The following UBA5 variants were observed in gnomAD, a reference collection of about 807,000 sequenced individuals.
UBA5 encodes the protein ubiquitin-like modifier-activating enzyme 5.
In UBA5, 28 loss-of-function variants were observed where a neutral mutation model predicts 52.9. That is an observed-to-expected ratio of 0.53 (90% CI 0.39 to 0.73). UBA5 has a LOEUF of 0.73. Among genes scored for constraint, UBA5 ranks in the 30% least tolerant of loss-of-function variants. The pLI is 0.00. For synonymous variants in UBA5, 135 were observed against 162.1 expected, an observed-to-expected ratio of 0.83 and a Z score of 1.27; for missense variants, 388 against 492.7, an observed-to-expected ratio of 0.79 and a Z score of 2.01.
chr3:132,659,551 A>G, upstream of UBA5: 2 of 1,605,658 alleles, frequency 1.2e-6, no homozygotes, highest in Non-Finnish European at 8.5e-7. Flanking sequence ...AAAGGAAGGA[A>G]AACTCAATGT....
upstream of UBA5, among the ~76,000 whole-genome samples, chr3:132,659,068 G>A (rs1013215174): frequency 6.6e-6 from 1 of 152,050 alleles, no homozygotes; most frequent in Non-Finnish European, 1.5e-5. Context: ...TTCCCGGTGG[G>A]GAACGCTACT....
At chr3:132,668,986 A>G (rs1938490081) in intron 4 of UBA5, 59 bp downstream of exon 4, 3 of 1,103,936 alleles carry the variant, frequency 2.7e-6, no homozygotes, top group East Asian at 4.9e-5. Flanking sequence ...TGTATTTGAT[A>G]TGAGTTAATA....
Position 132,676,390 on chromosome 3 carries a change from T to A in UBA5, c.1132-53T>A. ...CTTGCTGATTATATATTCCTAAGCA[T>A]CAAGAATTCTATATGGTTCTTTTTT... is the stretch of plus-strand genomic sequence containing the variant. On this transcript the variant is annotated intron_variant, in intron 11 of 11. Coordinates refer to ENST00000356232, the MANE Select transcript of UBA5 (RefSeq NM_024818.6). This position sits in a 1 kb window ranked among gnomAD's most constrained non-coding sequence, Gnocchi z 4.1. 1.4e-6 allele frequency: 2 copies of A among 1,408,076 alleles called. No individual in the cohort carries two copies. The highest frequency in any genetic ancestry group is 1.2e-5 in the South Asian group (1 of 81,592). The allele number at this position is 1,408,076 out of a possible 1,614,324, so 87.2% of individuals were successfully genotyped here. A position where few individuals can be genotyped will look rare whatever the true frequency, so the allele number is the denominator to read the frequency against.
chr3:132,675,590 G>A lies in UBA5; in HGVS notation c.949-15G>A, dbSNP rs747931779. 7.5e-6 allele frequency: 12 copies of A among 1,605,888 alleles called. No individual in the cohort carries two copies. In the South Asian group the frequency reaches 1.1e-4, roughly 15 times the overall value. On this transcript the variant is annotated splice_polypyrimidine_tract_variant and intron_variant, in intron 9 of 11. Transcript: ENST00000356232. ...GAATGAGTAAGAACACTTTGATGCTGTTTGATTTCTACAGAAAAAGGTAGC... is the reference window on the plus strand; with the variant it reads ...GAATGAGTAAGAACACTTTGATGCTATTTGATTTCTACAGAAAAAGGTAGC...
In UBA5 at chr3:132,678,957, T is replaced by G. The variant is rs1175394416; in HGVS notation, c.*2431T>G. Among the ~76,000 whole-genome samples, 2 of 151,898 alleles carry G rather than the reference T, an allele frequency of 1.3e-5. No homozygotes were observed. Among genetic ancestry groups the G allele is most frequent in the Non-Finnish European group, 2.9e-5 (2 of 67,982 alleles). ...GAGCCACCACGCCCAGCCAAGAATATTTACTAAAGGAAGCTTTGACCCCTG... is the reference window on the plus strand; with the variant it reads ...GAGCCACCACGCCCAGCCAAGAATAGTTACTAAAGGAAGCTTTGACCCCTG... On this transcript the variant is annotated 3_prime_UTR_variant, in exon 12 of 12. Transcript: ENST00000356232.
chr3:132,660,421 A>G lies in UBA5; in HGVS notation c.-117A>G, dbSNP rs1938086039. ...GTGCACGTCCCCAGGGCTCTGGGCTAGGAAGGCAGCGGCGAGGTGCCTCCC... is the reference window on the plus strand; with the variant it reads ...GTGCACGTCCCCAGGGCTCTGGGCTGGGAAGGCAGCGGCGAGGTGCCTCCC... On this transcript the variant is annotated 5_prime_UTR_variant, in exon 1 of 12. Transcript: ENST00000356232. This position sits in a 1 kb window ranked among gnomAD's most constrained non-coding sequence, Gnocchi z 4.1. 7.4e-7 allele frequency: 1 copy of G among 1,342,578 alleles called. No individual in the cohort carries two copies. Among genetic ancestry groups the G allele is most frequent in the Non-Finnish European group, 1.0e-6 (1 of 986,618 alleles). The allele number at this position is 1,342,578 out of a possible 1,614,324, so 83.2% of individuals were successfully genotyped here.
At chr3:132,664,602 G>C (rs1294828493) in intron 1 of UBA5, among the ~76,000 whole-genome samples, 4 of 152,042 alleles carry the variant, frequency 2.6e-5, no homozygotes, top group African/African-American at 9.7e-5. Flanking sequence ...TGATTCAGTG[G>C]GTGATTATAG....
chr3:132,661,485 C>T (rs1174062102), intron 1 of UBA5, among the ~76,000 whole-genome samples: 1 of 152,162 alleles, frequency 6.6e-6, no homozygotes, highest in Non-Finnish European at 1.5e-5. Flanking sequence ...GATTTTATTG[C>T]TAGGTGCATT....
At position 132,660,675 on chromosome 3, in the gene UBA5, G is replaced by A; in HGVS notation, c.138G>A (p.Glu46=). 6.4e-7 allele frequency: 1 copy of A among 1,574,790 alleles called. No individual in the cohort carries two copies. The highest frequency in any genetic ancestry group is 1.3e-5 in the African/African-American group (1 of 74,120). ...TCCGCATCGAGAAGATGAGCTCAGA[G>A]GTGGTGGATTCGAATCCCTACAGGT... is the stretch of plus-strand genomic sequence containing the variant. ...GRVRIEKMSS[E]VVDSNPYSRL... is the part of the protein sequence containing the mutation. The change falls in exon 1 of 12, where the codon GAG becomes GAA. Residue 46 remains glutamate, a synonymous_variant. Coordinates refer to ENST00000356232, the MANE Select transcript of UBA5 (RefSeq NM_024818.6). This position sits in a 1 kb window ranked among gnomAD's most constrained non-coding sequence, Gnocchi z 4.1.
chr3:132,665,933 C>A, intron 2 of UBA5, 51 bp from the exon 3 acceptor site: 1 of 1,609,902 alleles, frequency 6.2e-7, no homozygotes, highest in Non-Finnish European at 8.5e-7. Flanking sequence ...CTTCTGGTGA[C>A]ATATTTGATG....
intron 5 of UBA5, 110 bp downstream of exon 5, chr3:132,670,394 TC>T (rs1369696340): frequency 2.2e-5 from 12 of 536,528 alleles, no homozygotes; most frequent in Non-Finnish European, 3.2e-5. Context: ...TATATATTTT[TC>T]CATTTTTTTA....
Position 132,660,454 on chromosome 3 carries a change from C to T in UBA5, c.-84C>T. On this transcript the variant is annotated 5_prime_UTR_variant, in exon 1 of 12. Transcript: ENST00000356232. The surrounding 1 kb of genome is among the most constrained non-coding windows in gnomAD (Gnocchi z 4.1). ...AGCGGCGAGGTGCCTCCCCACGTAC[C>T]CCTCGCGGGCCCAGCCGAGCAACGT... 2.0e-6 allele frequency: 3 copies of T among 1,509,340 alleles called. No individual in the cohort carries two copies. Among genetic ancestry groups the T allele is most frequent in the Non-Finnish European group, 1.8e-6 (2 of 1,125,300 alleles). The allele number at this position is 1,509,340 out of a possible 1,614,324, so 93.5% of individuals were successfully genotyped here. A position where few individuals can be genotyped will look rare whatever the true frequency, so the allele number is the denominator to read the frequency against.
intron 8 of UBA5, among the ~76,000 whole-genome samples, chr3:132,673,443 G>T (rs952309687): frequency 6.6e-6 from 1 of 152,162 alleles, no homozygotes; most frequent in South Asian, 2.1e-4. Context: ...AACCTCCTGA[G>T]CTCAAGTGAT....
intron 1 of UBA5, among the ~76,000 whole-genome samples, chr3:132,662,476 A>G (rs1341195786): frequency 6.6e-6 from 1 of 152,232 alleles, no homozygotes; most frequent in Non-Finnish European, 1.5e-5. Flanking sequence ...ATTGCAGTAC[A>G]GGTGATAAGA....
rs996173725 is a variant in UBA5 at position 132,675,146 on chromosome 3, A to C, written c.813-102A>C. ...GATTTCTGTTTTCTGGTTAAAAAAAATATATAATTACCTATTTCAACGTTA... is the reference window on the plus strand; with the variant it reads ...GATTTCTGTTTTCTGGTTAAAAAAACTATATAATTACCTATTTCAACGTTA... On this transcript the variant is annotated intron_variant, in intron 8 of 11. Transcript: ENST00000356232. 1.4e-5 allele frequency: 12 copies of C among 847,268 alleles called. No individual in the cohort carries two copies. The Admixed American group carries it at 1.5e-4, about 10-fold the overall frequency. 52.5% of individuals were successfully genotyped at this position (847,268 alleles called of 1,614,324 possible).
intron 5 of UBA5, 147 bp from the exon 6 acceptor site, chr3:132,670,817 AT>A (rs1295395199): frequency 2.3e-5 from 11 of 484,076 alleles, no homozygotes; most frequent in Non-Finnish European, 3.7e-5. Flanking sequence ...CTTGATATAT[AT>A]GATATCTTTA....
chr3:132,667,341 A>G (rs545837929), intron 3 of UBA5: 2 of 152,302 alleles, frequency 1.3e-5, no homozygotes, highest in Admixed American at 1.3e-4. Context: ...AACAGTAGTT[A>G]TATATTGCTG....
upstream of UBA5, among the ~76,000 whole-genome samples, chr3:132,656,871 T>C (rs1004577955): frequency 7.2e-5 from 11 of 151,970 alleles, no homozygotes; most frequent in African/African-American, 2.7e-4. Context: ...TTAATTTGCA[T>C]TTCCCTTATT....
intron 3 of UBA5, chr3:132,667,312 T>G (rs1279908202): frequency 6.6e-6 from 1 of 152,206 alleles, no homozygotes; most frequent in Non-Finnish European, 1.5e-5. Context: ...CCACGCCATT[T>G]TGAGTAGCAA....
Sources: allele counts gnomAD v4.1 joint callset (sites outside exome capture counted in the v4.1 genomes callset), GRCh38; gene constraint gnomAD v4.1.1; non-coding constraint Gnocchi (gnomAD v3.1); transcripts MANE v1.5; gene names NCBI Gene and HGNC (gene_info 2026-07-23, HGNC 2026-07-21).